The following MED12L variants were observed in gnomAD, a reference collection of about 807,000 sequenced individuals.
MED12L encodes the protein mediator of RNA polymerase II transcription subunit 12-like protein.
MED12L carries 60 observed loss-of-function variants against 281.3 expected under a neutral mutation model. That is an observed-to-expected ratio of 0.21 (90% confidence interval 0.17 to 0.26). The LOEUF is 0.26. MED12L is among the 10% of genes least tolerant of loss of function. The pLI is 1.00. For missense variants in MED12L, 2,146 were observed against 2,680.9 expected (o/e 0.80, Z 4.41); for synonymous variants, 974 against 987.2 (o/e 0.99, Z 0.25).
intron 43 of MED12L, among the ~76,000 whole-genome samples, chr3:151,422,819 CTTTT>C (rs34923048): frequency 1.5e-5 from 2 of 131,012 alleles, no homozygotes; most frequent in African/African-American, 2.8e-5. Flanking sequence ...TGATTCATTG[CTTTT>C]TTTTTTTTTT....
chr3:151,299,346 T>C (rs1350302752), intron 16 of MED12L, among the ~76,000 whole-genome samples: 2 of 146,716 alleles, frequency 1.4e-5, no homozygotes, highest in Non-Finnish European at 3.0e-5. Context: ...CTTTCTTTCC[T>C]TCCTTCCTTC....
At chr3:151,318,179 T>TA (rs971600012) in intron 16 of MED12L, among the ~76,000 whole-genome samples, 2 of 152,126 alleles carry the variant, frequency 1.3e-5, no homozygotes, top group African/African-American at 2.4e-5. Context: ...TTAAGTATGT[T>TA]ACGGAAAAGT....
chr3:151,300,063 T>C, intron 16 of MED12L: 5 of 1,590,434 alleles, frequency 3.1e-6, no homozygotes, highest in Non-Finnish European at 4.3e-6. Context: ...TTACGACGGC[T>C]TACTTGGTAA....
At chr3:151,155,014 T>A (rs948534390) in intron 5 of MED12L, among the ~76,000 whole-genome samples, 1 of 152,234 alleles carries the variant, frequency 6.6e-6, no homozygotes, top group African/African-American at 2.4e-5. Flanking sequence ...AATAAGTGGT[T>A]TAGATGAAAA....
intron 21 of MED12L, among the ~76,000 whole-genome samples, chr3:151,363,098 G>A (rs147993577): frequency 3.9e-5 from 6 of 152,154 alleles, no homozygotes; most frequent in Admixed American, 1.3e-4. Flanking sequence ...TGCGCTGGGC[G>A]TGGGGTGTGT....
At chr3:151,096,319 A>G (rs1720702516) in intron 2 of MED12L, among the ~76,000 whole-genome samples, 1 of 152,200 alleles carries the variant, frequency 6.6e-6, no homozygotes, top group Non-Finnish European at 1.5e-5. Context: ...TAATGTTGTT[A>G]AGGTACTTTC....
chr3:151,394,872 G>T lies in MED12L; in HGVS notation c.5820+5G>T. 1 of 1,613,748 alleles carries T rather than the reference G, an allele frequency of 6.2e-7. No individual in the cohort carries two copies. Among genetic ancestry groups the T allele is most frequent in the Non-Finnish European group, 8.5e-7 (1 of 1,180,032 alleles). ...CAGACTCGGCCTTTCCAACAGGTTT[G>T]TCCAGACCCCAGCAATGGAGTCCTT... is the stretch of plus-strand genomic sequence containing the variant. On this transcript the variant is annotated splice_donor_5th_base_variant and intron_variant, in intron 39 of 44. Transcript: ENST00000687756.
intron 5 of MED12L, among the ~76,000 whole-genome samples, chr3:151,128,504 A>G (rs1324874781): frequency 3.4e-5 from 5 of 147,128 alleles, no homozygotes; most frequent in Admixed American, 1.4e-4. Context: ...CCTTCCTGTG[A>G]TGTTCCAGCC....
intron 39 of MED12L, 21 bp from the exon 40 acceptor site, chr3:151,409,222 T>C (rs777262521): frequency 5.7e-6 from 9 of 1,574,184 alleles, no homozygotes; most frequent in Non-Finnish European, 7.7e-6. Flanking sequence ...ATCAAGAGTT[T>C]GCTTTGGCTT....
intron 20 of MED12L, 88 bp downstream of exon 20, chr3:151,357,464 A>AGGGCCGGGCGCG: frequency 8.5e-7 from 1 of 1,180,220 alleles, no homozygotes; most frequent in Non-Finnish European, 1.2e-6. Context: ...AAAGAAAAAT[A>AGGGCCGGGCGCG]GTACTGATAC....
At chr3:151,126,048 CTTTTT>C (rs34482366) in intron 4 of MED12L, among the ~76,000 whole-genome samples, 5 of 130,768 alleles carry the variant, frequency 3.8e-5, no homozygotes, top group Non-Finnish European at 8.0e-5. Flanking sequence ...ACTGCATCCT[CTTTTT>C]TTTTTTTTTT....
chr3:151,292,132 C>T (rs1744330185), intron 16 of MED12L, among the ~76,000 whole-genome samples: 3 of 152,082 alleles, frequency 2.0e-5, no homozygotes, highest in African/African-American at 7.2e-5. Context: ...CCAGTTGATG[C>T]TGTTAAAGAG....
chr3:151,236,650 TG>T (rs1732880799), intron 16 of MED12L, among the ~76,000 whole-genome samples: 2 of 152,220 alleles, frequency 1.3e-5, no homozygotes, highest in Non-Finnish European at 2.9e-5. Context: ...TACAAATTTT[TG>T]TAACATCTAT....
At chr3:151,124,325 T>G (rs1459003178) in intron 4 of MED12L, among the ~76,000 whole-genome samples, 2 of 152,228 alleles carry the variant, frequency 1.3e-5, no homozygotes, top group Admixed American at 1.3e-4. Flanking sequence ...TCTTTCTTTA[T>G]TGGGAGCTGC....
At chr3:151,407,679 A>G (rs1345375576) in intron 39 of MED12L, among the ~76,000 whole-genome samples, 15 of 152,198 alleles carry the variant, frequency 9.9e-5, no homozygotes, top group Admixed American at 8.5e-4. Context: ...GCAAATGGAG[A>G]TACAATTGTT....
At position 151,154,329 on chromosome 3, in the gene MED12L, A is replaced by G. The variant is rs1229336492; in HGVS notation, c.557-1832A>G. Among the ~76,000 whole-genome samples the G allele has an allele frequency of 2.0e-5, 3 of 152,126 alleles. No homozygotes were observed. The East Asian group carries it at 5.8e-4, about 29-fold the overall frequency. ...AGATTGTGGAATAGTATATTCAGCA[A>G]CGTTTTTAAAAAAGATATGCATATG... On this transcript the variant is annotated intron_variant, in intron 5 of 44. Coordinates refer to ENST00000687756, the MANE Select transcript of MED12L (RefSeq NM_001393769.1).
intron 16 of MED12L, among the ~76,000 whole-genome samples, chr3:151,317,636 G>A (rs1748459449): frequency 6.6e-6 from 1 of 151,300 alleles, no homozygotes; most frequent in African/African-American, 2.4e-5. Context: ...ATTTTTAGTA[G>A]AGACGGGGTT....
At chr3:151,152,838 C>T (rs1240954002) in intron 5 of MED12L, among the ~76,000 whole-genome samples, 1 of 152,192 alleles carries the variant, frequency 6.6e-6, no homozygotes, top group African/African-American at 2.4e-5. Flanking sequence ...TGCTGCCCTA[C>T]ACTACCTCTC....
At chr3:151,242,112 C>G (rs1388992606) in intron 16 of MED12L, among the ~76,000 whole-genome samples, 2 of 152,218 alleles carry the variant, frequency 1.3e-5, no homozygotes, top group African/African-American at 4.8e-5. Context: ...GCACCTGGCT[C>G]GGAGGGTCCT....
Sources: allele counts gnomAD v4.1 joint callset (sites outside exome capture counted in the v4.1 genomes callset), GRCh38; gene constraint gnomAD v4.1.1; transcripts MANE v1.5; gene names NCBI Gene and HGNC (gene_info 2026-07-23, HGNC 2026-07-21).